AFG2A: variants seen among roughly 807,000 people sequenced by gnomAD.
AFG2A encodes ATPase family gene 2 protein homolog A.
At chr4:123,163,463 C>A in the AFG2A span, among the ~76,000 whole-genome samples, 2 of 151,982 alleles carry the variant, frequency 1.3e-5, no homozygotes, top group African/African-American at 4.8e-5. Context: ...CAAAAAAAAC[C>A]CAACACTGCC....
the AFG2A span, among the ~76,000 whole-genome samples, chr4:123,239,545 A>AT: frequency 3.9e-5 from 6 of 152,310 alleles, no homozygotes; most frequent in South Asian, 1.0e-3. Context: ...TCTTAAAAGA[A>AT]TTTTCAACCC....
the AFG2A span, among the ~76,000 whole-genome samples, chr4:123,103,434 A>G: frequency 6.6e-6 from 1 of 152,076 alleles, no homozygotes; most frequent in Admixed American, 6.6e-5. Context: ...TGAGCACTTT[A>G]CATGTATTTT....
chr4:123,152,786 A>G, the AFG2A span, among the ~76,000 whole-genome samples: 3 of 152,240 alleles, frequency 2.0e-5, no homozygotes, highest in African/African-American at 7.2e-5. Flanking sequence ...ACATGTCCAC[A>G]CAAAAACCTG....
chr4:122,944,428 C>T, the AFG2A span, among the ~76,000 whole-genome samples: 4,103 of 152,264 alleles, frequency 0.027, 150 homozygotes, highest in South Asian at 0.11. Flanking sequence ...TTGATCGCAT[C>T]GGCTCCTGAG....
the AFG2A span, among the ~76,000 whole-genome samples, chr4:123,007,619 T>C: frequency 2.1e-5 from 1 of 46,800 alleles, no homozygotes; most frequent in Admixed American, 2.6e-4. Flanking sequence ...TATATATATA[T>C]ATATATATAT....
the AFG2A span, among the ~76,000 whole-genome samples, chr4:123,180,392 C>G: frequency 6.6e-6 from 1 of 152,092 alleles, no homozygotes; most frequent in Non-Finnish European, 1.5e-5. Flanking sequence ...TTACTTAAAA[C>G]TTGTGGTTGA....
the AFG2A span, among the ~76,000 whole-genome samples, chr4:123,085,810 A>C: frequency 1.3e-5 from 2 of 151,672 alleles, no homozygotes; most frequent in Non-Finnish European, 2.9e-5. Flanking sequence ...TTAATTGAGC[A>C]TTTTATGTTA....
At chr4:123,032,109 G>A in the AFG2A span, among the ~76,000 whole-genome samples, 1 of 152,184 alleles carries the variant, frequency 6.6e-6, no homozygotes, top group Non-Finnish European at 1.5e-5. Flanking sequence ...ATGTGGTTAG[G>A]TCTTTGACAG....
the AFG2A span, among the ~76,000 whole-genome samples, chr4:123,201,380 G>A: frequency 1.3e-5 from 2 of 152,150 alleles, no homozygotes; most frequent in Non-Finnish European, 2.9e-5. Flanking sequence ...TACTGTTTCA[G>A]AACATCGACA....
the AFG2A span, among the ~76,000 whole-genome samples, chr4:123,156,773 A>G: frequency 3.0e-4 from 46 of 151,132 alleles, no homozygotes; most frequent in African/African-American, 7.0e-4. Context: ...AAAAAAAAAA[A>G]AAAGAAAAAA....
the AFG2A span, among the ~76,000 whole-genome samples, chr4:123,059,395 T>G: frequency 1.4e-5 from 2 of 147,114 alleles, no homozygotes; most frequent in Middle Eastern, 3.5e-3. Context: ...TGAGTGAGAA[T>G]ATGCAGTGTT....
At chr4:123,176,481 A>G in the AFG2A span, among the ~76,000 whole-genome samples, 1 of 152,226 alleles carries the variant, frequency 6.6e-6, no homozygotes, top group Non-Finnish European at 1.5e-5. Flanking sequence ...AGCAAGTCCT[A>G]TAACATAATA....
chr4:123,100,334 G>A, the AFG2A span, among the ~76,000 whole-genome samples: 4 of 151,786 alleles, frequency 2.6e-5, no homozygotes. Context: ...AGTCTGTAAA[G>A]AACAGTTTTT....
chr4:123,254,003 A>C, the AFG2A span, among the ~76,000 whole-genome samples: 55 of 152,306 alleles, frequency 3.6e-4, no homozygotes, highest in Admixed American at 4.6e-4. Flanking sequence ...CTCACAAAGG[A>C]AGCTGTGTGG....
At chr4:123,139,089 A>T in the AFG2A span, among the ~76,000 whole-genome samples, 1 of 152,128 alleles carries the variant, frequency 6.6e-6, no homozygotes, top group East Asian at 1.9e-4. Context: ...TGATTATATT[A>T]TAGCTTTTCT....
the AFG2A span, among the ~76,000 whole-genome samples, chr4:123,289,154 C>A: frequency 6.6e-6 from 1 of 152,104 alleles, no homozygotes; most frequent in Non-Finnish European, 1.5e-5. Flanking sequence ...ATTTTTCATT[C>A]TTTACCCCCA....
the AFG2A span, chr4:122,935,673 C>A: frequency 1.3e-6 from 2 of 1,502,214 alleles, no homozygotes; most frequent in Non-Finnish European, 1.8e-6. Context: ...TATAAGAAAC[C>A]TAGTAATGGT....
At chr4:122,950,587 G>A in the AFG2A span, among the ~76,000 whole-genome samples, 19 of 152,256 alleles carry the variant, frequency 1.2e-4, no homozygotes, top group African/African-American at 3.6e-4. Context: ...TGATCCACCC[G>A]CCTCAGCCTC....
chr4:123,204,715 C>T, the AFG2A span, among the ~76,000 whole-genome samples: 1 of 152,164 alleles, frequency 6.6e-6, no homozygotes, highest in Non-Finnish European at 1.5e-5. Flanking sequence ...TCATGAATAT[C>T]TCATAGGGTT....
Sources: allele counts gnomAD v4.1 joint callset (sites outside exome capture counted in the v4.1 genomes callset), GRCh38; gene constraint gnomAD v4.1.1; transcripts MANE v1.5; gene names NCBI Gene and HGNC (gene_info 2026-07-23, HGNC 2026-07-21).